The following SCFD1 variants were observed in gnomAD, a reference collection of about 807,000 sequenced individuals.
SCFD1 encodes the protein sec1 family domain containing 1, also known as sec1 family domain-containing protein 1.
Under a neutral mutation model 103.2 loss-of-function variants are expected in SCFD1, and 37 were observed. That is an observed-to-expected ratio of 0.36 (90% confidence interval 0.28 to 0.47). The LOEUF (loss-of-function observed/expected upper bound fraction) is 0.47, where lower values mean the gene tolerates loss of function less well. Ranked by LOEUF, SCFD1 falls within the 20% of genes least tolerant of loss-of-function variation. SCFD1 has a pLI of 1.00. For synonymous variants in SCFD1, 264 were observed against 245.0 expected, an observed-to-expected ratio of 1.08 and a Z score of -0.73; for missense variants, 639 against 761.2, an observed-to-expected ratio of 0.84 and a Z score of 1.89.
chr14:30,695,722 G>GT (rs1023236461), intron 15 of SCFD1, among the ~76,000 whole-genome samples: 5 of 151,808 alleles, frequency 3.3e-5, no homozygotes, highest in Non-Finnish European at 5.9e-5. Context: ...AATGAAGAAA[G>GT]TTAGCCAGGC....
chr14:30,714,432 T>C (rs1259114253), intron 19 of SCFD1, among the ~76,000 whole-genome samples: 1 of 151,862 alleles, frequency 6.6e-6, no homozygotes, highest in Non-Finnish European at 1.5e-5. Flanking sequence ...TTCAGAAGTA[T>C]ATTCAGACAG....
chr14:30,723,278 A>T (rs1162971324), intron 23 of SCFD1, among the ~76,000 whole-genome samples: 4 of 152,190 alleles, frequency 2.6e-5, no homozygotes, highest in African/African-American at 7.2e-5. Flanking sequence ...CAAAACAAAT[A>T]ACTACTCTTG....
intron 20 of SCFD1, among the ~76,000 whole-genome samples, chr14:30,717,313 A>C (rs1056584057): frequency 6.6e-6 from 1 of 151,994 alleles, no homozygotes; most frequent in African/African-American, 2.4e-5. Context: ...CTGTCTCTAC[A>C]AAAAATACAA....
At chr14:30,670,497 G>A (rs1268408411) in intron 11 of SCFD1, 102 bp downstream of exon 11, 15 of 768,518 alleles carry the variant, frequency 2.0e-5, no homozygotes, top group Admixed American at 3.2e-5. Context: ...ATGTAGGTTC[G>A]TTCACCCAAT....
intron 1 of SCFD1, among the ~76,000 whole-genome samples, chr14:30,626,038 A>C (rs1883404498): frequency 6.6e-6 from 1 of 152,118 alleles, no homozygotes; most frequent in Non-Finnish European, 1.5e-5. Flanking sequence ...TGGTGTCTTT[A>C]TTGCCTGGAG....
At chr14:30,716,038 A>C in intron 20 of SCFD1, 61 bp downstream of exon 20, 1 of 912,318 alleles carries the variant, frequency 1.1e-6, no homozygotes, top group Non-Finnish European at 1.8e-6. Flanking sequence ...ACTAGTATGA[A>C]AGAGGATAAA....
In SCFD1 at chr14:30,622,373, C is replaced by T; in HGVS notation, c.35C>T (p.Ala12Val). The T allele has an allele frequency of 1.3e-6, 2 of 1,559,904 alleles. No individual in the cohort carries two copies. The change falls in exon 1 of 25, where the codon GCA (alanine) becomes GTA (valine). Residue 12 changes from alanine to valine, a missense_variant. Physicochemically the swap from Ala to Val is moderately conservative, Grantham distance 64 (BLOSUM62 0). Coordinates refer to ENST00000458591, the MANE Select transcript of SCFD1 (RefSeq NM_016106.4). ...GCGGCGGCAGCGACAGCAGCAGCAG[C>T]AGCCAGTATTCGGGAAAGGCAGACA... ...AAAAAATAAA[A>V]ASIRERQTVA...
rs188024417 is a variant in SCFD1 at position 30,705,031 on chromosome 14, A to C, written c.1491-792A>C. Among the ~76,000 whole-genome samples the C allele has an allele frequency of 2.4e-4, 37 of 152,302 alleles. No homozygotes were observed. The East Asian group carries it at 6.7e-3, about 28-fold the overall frequency. The stretch of plus-strand genomic sequence containing the variant: ...AGAATAAAAATATTTTTTAAGGCAC[A>C]TCTAAATGCCATCTTTCTGCCCATC... On this transcript the variant is annotated intron_variant, in intron 17 of 24. Coordinates refer to ENST00000458591, the MANE Select transcript of SCFD1 (RefSeq NM_016106.4).
rs17097006 is a variant in SCFD1 at position 30,641,282 on chromosome 14, A to G, written c.523+1418A>G. On this transcript the variant is annotated intron_variant, in intron 6 of 24. Coordinates refer to ENST00000458591, the MANE Select transcript of SCFD1 (RefSeq NM_016106.4). ...AAATATTTTTCATTCTAAACTTTCCATGGATTGGGAGCAAGGAGATTTATT... is the reference window on the plus strand; with the variant it reads ...AAATATTTTTCATTCTAAACTTTCCGTGGATTGGGAGCAAGGAGATTTATT... Among the ~76,000 whole-genome samples, 1,400 of 152,288 alleles carry G rather than the reference A, an allele frequency of 9.2e-3. 27 individuals are homozygous for G. The highest frequency in any genetic ancestry group is 0.031 in the African/African-American group (1,304 of 41,568).
At chr14:30,731,975 A>T (rs1164873035) in intron 23 of SCFD1, among the ~76,000 whole-genome samples, 1 of 152,132 alleles carries the variant, frequency 6.6e-6, no homozygotes, top group East Asian at 1.9e-4. Flanking sequence ...ATTCAGTATG[A>T]TATTGGCTGT....
intron 23 of SCFD1, among the ~76,000 whole-genome samples, chr14:30,733,819 G>A (rs1490968020): frequency 6.6e-6 from 1 of 152,216 alleles, no homozygotes. Context: ...CCTGACCAGA[G>A]AGGCATAAAA....
At chr14:30,717,842 C>G (rs551733484) in intron 20 of SCFD1, among the ~76,000 whole-genome samples, 25 of 151,144 alleles carry the variant, frequency 1.7e-4, no homozygotes, top group Non-Finnish European at 3.1e-4. Context: ...CGAGATCATG[C>G]CACTGCACTC....
At chr14:30,705,335 G>A (rs1476057840) in intron 17 of SCFD1, among the ~76,000 whole-genome samples, 1 of 152,218 alleles carries the variant, frequency 6.6e-6, no homozygotes, top group African/African-American at 2.4e-5. Flanking sequence ...AGCATAGAAT[G>A]TAGGAAACAA....
At chr14:30,676,443 G>A (rs1889040858) in intron 14 of SCFD1, 1 of 152,206 alleles carries the variant, frequency 6.6e-6, no homozygotes, top group Non-Finnish European at 1.5e-5. Context: ...AGGGTGATGT[G>A]AGGCAATGGG....
At chr14:30,650,816 ATATTT>A (rs1327239489) in intron 9 of SCFD1, among the ~76,000 whole-genome samples, 166 bp downstream of exon 9, 1 of 152,160 alleles carries the variant, frequency 6.6e-6, no homozygotes, top group Non-Finnish European at 1.5e-5. Flanking sequence ...TACAAGTGGA[ATATTT>A]TATTCAATTT....
chr14:30,707,731 G>A (rs1338970424), intron 18 of SCFD1: 1 of 446,376 alleles, frequency 2.2e-6, no homozygotes, highest in Non-Finnish European at 4.2e-6. Context: ...TTATTTTGAG[G>A]GCAGCTCTTT....
intron 10 of SCFD1, among the ~76,000 whole-genome samples, chr14:30,668,465 A>G (rs1249857405): frequency 5.3e-5 from 8 of 152,158 alleles, no homozygotes; most frequent in African/African-American, 9.6e-5. Flanking sequence ...AACCTAGGCA[A>G]TACCATTCAG....
In SCFD1 at chr14:30,626,101, C is replaced by G. The variant is rs185249286; in HGVS notation, c.62-2108C>G. On this transcript the variant is annotated intron_variant, in intron 1 of 24. Coordinates refer to ENST00000458591, the MANE Select transcript of SCFD1 (RefSeq NM_016106.4). Reference sequence around the variant, plus strand: ...GTGGGAGAGTTAATCCTGAAACCCCCTCCGTGCTTCCTGTGTTATTTCAGT... The same window carrying G: ...GTGGGAGAGTTAATCCTGAAACCCCGTCCGTGCTTCCTGTGTTATTTCAGT... Among the ~76,000 whole-genome samples, 497 of 152,042 alleles carry G rather than the reference C, an allele frequency of 3.3e-3. 4 individuals are homozygous for G. Among genetic ancestry groups the G allele is most frequent in the African/African-American group, 0.011 (468 of 41,464 alleles).
At position 30,696,685 on chromosome 14, in the gene SCFD1, A is replaced by G. The variant is rs548818335; in HGVS notation, c.1339+1816A>G. Reference sequence around the variant, plus strand: ...GAGTAGTCTAGCAAGGTGTGTGAGAACCATAACAGATTGAGGAGGGTGACC... The same window carrying G: ...GAGTAGTCTAGCAAGGTGTGTGAGAGCCATAACAGATTGAGGAGGGTGACC... On this transcript the variant is annotated intron_variant, in intron 15 of 24. Coordinates refer to ENST00000458591, the MANE Select transcript of SCFD1 (RefSeq NM_016106.4). 2.0e-5 allele frequency among the ~76,000 whole-genome samples: 3 copies of G among 152,254 alleles called. No individual in the cohort carries two copies. The South Asian group carries it at 6.2e-4, about 32-fold the overall frequency.
Sources: allele counts gnomAD v4.1 joint callset (sites outside exome capture counted in the v4.1 genomes callset), GRCh38; gene constraint gnomAD v4.1.1; transcripts MANE v1.5; gene names NCBI Gene and HGNC (gene_info 2026-07-23, HGNC 2026-07-21).